TTC23L: variants seen among roughly 807,000 people sequenced by gnomAD.
TTC23L encodes the protein tetratricopeptide repeat protein 23-like.
TTC23L carries 42 observed loss-of-function variants against 48.1 expected under a neutral mutation model. That is an observed-to-expected ratio of 0.87 (90% CI 0.68 to 1.13). TTC23L has a LOEUF of 1.13. Ranked by LOEUF, TTC23L falls within the 50% of genes most tolerant of loss-of-function variation. The probability of loss-of-function intolerance (pLI) is 0.00; values close to 1 mark genes in which losing one functional copy is unlikely to be tolerated. For synonymous variants in TTC23L, 159 were observed against 157.2 expected (o/e 1.01, Z -0.09); for missense variants, 391 against 421.0 (o/e 0.93, Z 0.62).
intron 9 of TTC23L, among the ~76,000 whole-genome samples, chr5:34,886,316 C>T (rs1354018112): frequency 6.8e-6 from 1 of 147,022 alleles, no homozygotes; most frequent in African/African-American, 2.5e-5. Flanking sequence ...CTCCATAGAG[C>T]TCAGGGAACA....
At chr5:34,903,662 C>A (rs2111911293), downstream of TTC23L, among the ~76,000 whole-genome samples, 1 of 152,240 alleles carries the variant, frequency 6.6e-6, no homozygotes, top group East Asian at 1.9e-4. Context: ...TGGTGAAATC[C>A]CAAAGTCTTA....
At chr5:34,903,022 A>G (rs1256619780), downstream of TTC23L, among the ~76,000 whole-genome samples, 1 of 152,098 alleles carries the variant, frequency 6.6e-6, no homozygotes, top group Non-Finnish European at 1.5e-5. Context: ...GGGTGGCACC[A>G]AAATTTATAA....
the TTC23L span, chr5:34,914,938 ACTT>A: frequency 6.2e-7 from 1 of 1,602,896 alleles, no homozygotes; most frequent in South Asian, 1.1e-5. Context: ...GGGGCCAACA[ACTT>A]CTCGGCGGAT....
chr5:34,911,746 T>C, the TTC23L span: 25 of 1,614,070 alleles, frequency 1.5e-5, no homozygotes, highest in South Asian at 7.7e-5. Flanking sequence ...CACTCCTCCT[T>C]CTTCCAGGAA....
the TTC23L span, chr5:34,914,744 T>G: frequency 1.2e-6 from 2 of 1,614,132 alleles, no homozygotes; most frequent in African/African-American, 2.7e-5. Flanking sequence ...CACTGTTACT[T>G]TGATACCATT....
At chr5:34,881,783 T>G (rs1465314951) in intron 9 of TTC23L, among the ~76,000 whole-genome samples, 1 of 149,162 alleles carries the variant, frequency 6.7e-6, no homozygotes, top group Admixed American at 6.7e-5. Context: ...TTTTTTTTTT[T>G]GAGACAGAGT....
At chr5:34,874,995 A>G (rs896086565) in intron 8 of TTC23L, among the ~76,000 whole-genome samples, 1 of 152,212 alleles carries the variant, frequency 6.6e-6, no homozygotes, top group Non-Finnish European at 1.5e-5. Flanking sequence ...CATAGATTAA[A>G]AGGAAATGGA....
At chr5:34,914,812 G>A in the TTC23L span, 2 of 1,614,098 alleles carry the variant, frequency 1.2e-6, no homozygotes, top group Admixed American at 1.7e-5. Context: ...AGATAGTGGA[G>A]AGATTCCTAA....
chr5:34,914,813 A>T, the TTC23L span: 1 of 1,614,202 alleles, frequency 6.2e-7, no homozygotes, highest in Non-Finnish European at 8.5e-7. Flanking sequence ...GATAGTGGAG[A>T]GATTCCTAAC....
downstream of TTC23L, among the ~76,000 whole-genome samples, chr5:34,902,957 C>T (rs1418969594): frequency 5.4e-5 from 8 of 149,318 alleles, no homozygotes; most frequent in Non-Finnish European, 1.0e-4. Flanking sequence ...TCAACAATGA[C>T]TGACATTAAA....
chr5:34,925,589 A>G, the TTC23L span: 3 of 1,067,552 alleles, frequency 2.8e-6, no homozygotes, highest in Non-Finnish European at 3.9e-6. Flanking sequence ...TCTTACGTCT[A>G]ATTAGTGTAG....
the TTC23L span, chr5:34,918,401 C>A: frequency 6.3e-7 from 1 of 1,596,808 alleles, no homozygotes; most frequent in Non-Finnish European, 8.6e-7. Flanking sequence ...CTCATCTTTT[C>A]TTCCAGAGGA....
chr5:34,913,625 CTAA>C, the TTC23L span: 6 of 1,160,774 alleles, frequency 5.2e-6, no homozygotes, highest in South Asian at 5.7e-5. Context: ...AGAATAAAAA[CTAA>C]TAATATAAGG....
At chr5:34,922,733 T>C in the TTC23L span, 1 of 1,614,142 alleles carries the variant, frequency 6.2e-7, no homozygotes, top group Non-Finnish European at 8.5e-7. Context: ...TGGAAACTGT[T>C]TGAAAGGTTC....
chr5:34,909,935 G>A, the TTC23L span, among the ~76,000 whole-genome samples: 1 of 152,280 alleles, frequency 6.6e-6, no homozygotes, highest in Middle Eastern at 3.4e-3. Flanking sequence ...TAAGATCCAG[G>A]TTGGTTTTCC....
intron 3 of TTC23L, among the ~76,000 whole-genome samples, chr5:34,846,600 T>TATATATATATATATACACAC (rs61009546): frequency 6.5e-5 from 6 of 92,896 alleles, no homozygotes; most frequent in African/African-American, 3.1e-4. Context: ...TATATATATA[T>TATATATATATATATACACAC]ACACACACAT....
chr5:34,918,207 A>C, the TTC23L span: 1 of 472,170 alleles, frequency 2.1e-6, no homozygotes. Flanking sequence ...GCTACTGTAG[A>C]TGCTGGGGTG....
chr5:34,871,192 G>T (rs1303369784), intron 8 of TTC23L, among the ~76,000 whole-genome samples: 1 of 151,992 alleles, frequency 6.6e-6, no homozygotes, highest in Non-Finnish European at 1.5e-5. Context: ...AAAAATCCTA[G>T]AACTAATATG....
At chr5:34,865,966 A>G (rs1761021870) in intron 6 of TTC23L, among the ~76,000 whole-genome samples, 1 of 152,230 alleles carries the variant, frequency 6.6e-6, no homozygotes, top group South Asian at 2.1e-4. Context: ...TCTTCACAAC[A>G]AACTTGCAGT....
Sources: gnomAD v4.1 joint callset for allele counts (sites outside exome capture counted in the v4.1 genomes callset) on GRCh38, gnomAD v4.1.1 for gene constraint, MANE v1.5 for transcripts, NCBI Gene and HGNC (gene_info 2026-07-23, HGNC 2026-07-21) for gene names.